PROM1: variants seen among roughly 807,000 people sequenced by gnomAD.
The protein encoded by PROM1 is prominin 1, also known as prominin-1.
A neutral mutation model predicts 116.9 loss-of-function variants in PROM1; 105 were observed. The observed-to-expected ratio is 0.90, with a 90% CI of 0.77 to 1.06. The LOEUF is 1.06. Ranked by LOEUF, PROM1 falls within the 50% of genes least tolerant of loss-of-function variation. PROM1 has a pLI of 0.00. For synonymous variants in PROM1, 393 were observed against 387.0 expected, an observed-to-expected ratio of 1.02 and a Z score of -0.18; for missense variants, 1,122 against 1,045.2, an observed-to-expected ratio of 1.07 and a Z score of -1.01.
chr4:15,975,558 A>T (rs1312521864), intron 26 of PROM1, among the ~76,000 whole-genome samples: 1 of 152,130 alleles, frequency 6.6e-6, no homozygotes, highest in Non-Finnish European at 1.5e-5. Context: ...AAGTGAGAAA[A>T]CTGAGTCTCA....
At chr4:16,068,210 C>T (rs888058625) in intron 2 of PROM1, among the ~76,000 whole-genome samples, 1 of 152,132 alleles carries the variant, frequency 6.6e-6, no homozygotes, top group African/African-American at 2.4e-5. Flanking sequence ...GTTACCTTGG[C>T]TATCTTAAAT....
intron 2 of PROM1, among the ~76,000 whole-genome samples, chr4:16,071,619 GA>G (rs1742844601): frequency 6.6e-6 from 1 of 152,120 alleles, no homozygotes; most frequent in South Asian, 2.1e-4. Flanking sequence ...CTCTCTCCAG[GA>G]GCCTGCACCC....
chr4:16,023,306 C>G lies in PROM1; in HGVS notation c.784+20G>C. The G allele has an allele frequency of 6.4e-7, 1 of 1,557,894 alleles. No homozygotes were observed. The highest frequency in any genetic ancestry group is 8.8e-7 in the Non-Finnish European group (1 of 1,138,380). ...ACTCCTGGATGGAACTTTCTTTGGT[C>G]ATTTTTGCCCACTGCTTACCTGTTG... On this transcript the variant is annotated intron_variant, in intron 8 of 27. Coordinates refer to ENST00000447510, the MANE Select transcript of PROM1 (RefSeq NM_006017.3).
Position 15,998,414 on chromosome 4 carries a change from T to C in PROM1, c.1653A>G (p.Lys551=). 1 of 1,606,368 alleles carries C rather than the reference T, an allele frequency of 6.2e-7. No individual in the cohort carries two copies. Among genetic ancestry groups the C allele is most frequent in the Non-Finnish European group, 8.5e-7 (1 of 1,177,828 alleles). The change falls in exon 15 of 28, where the codon AAA becomes AAG. Residue 551 remains lysine (K), a synonymous_variant. Transcript: ENST00000447510. ...YLSGKLFNKS[K]MKLTFEQVYS... The stretch of plus-strand genomic sequence containing the variant: ...AAACTTGTTCAAAAGTGAGCTTCAT[T>C]TTTGATTTATTAAATAGCTTCCCAG...
chr4:15,995,001 C>A (rs1302250752), intron 15 of PROM1, among the ~76,000 whole-genome samples: 1 of 152,200 alleles, frequency 6.6e-6, no homozygotes, highest in African/African-American at 2.4e-5. Flanking sequence ...TGGCTTTGTC[C>A]TCTCAGCCTA....
rs1744896078 is a variant in PROM1 at position 16,080,816 on chromosome 4, G to A, written c.-213+3162C>T. 3 of 152,214 alleles carry A rather than the reference G, an allele frequency of 2.0e-5. No individual in the cohort carries two copies. The South Asian group carries it at 6.2e-4, about 32-fold the overall frequency. The allele number at this position is 152,214 out of a possible 1,614,324, so 9.4% of individuals were successfully genotyped here. A position where few individuals can be genotyped will look rare whatever the true frequency, so the allele number is the denominator to read the frequency against. ...CAATCAGAAGCTTTCTTCTGGGCCTGGGCCTGCGCACTCTGAAGCAGGACA... is the reference window on the plus strand; with the variant it reads ...CAATCAGAAGCTTTCTTCTGGGCCTAGGCCTGCGCACTCTGAAGCAGGACA... On this transcript the variant is annotated intron_variant, in intron 1 of 27. Coordinates refer to ENST00000447510, the MANE Select transcript of PROM1 (RefSeq NM_006017.3).
At chr4:16,079,285 G>A (rs1467686991) in intron 1 of PROM1, 1 of 152,182 alleles carries the variant, frequency 6.6e-6, no homozygotes, top group Admixed American at 6.5e-5. Flanking sequence ...AGCAGGGGAA[G>A]GGAAATTCCC....
At chr4:15,980,014 T>C in intron 24 of PROM1, 110 bp from the exon 25 acceptor site, 3 of 694,512 alleles carry the variant, frequency 4.3e-6, no homozygotes, top group Non-Finnish European at 7.2e-6. Flanking sequence ...CAGTGCAAAC[T>C]CAGGAAAGAC....
At chr4:15,978,399 T>C (rs544096220) in intron 26 of PROM1, among the ~76,000 whole-genome samples, 2 of 152,360 alleles carry the variant, frequency 1.3e-5, no homozygotes, top group East Asian at 3.9e-4. Flanking sequence ...TCTTGAAATC[T>C]GACCAAGGTG....
chr4:16,075,576 G>T, intron 2 of PROM1, 111 bp downstream of exon 2: 1 of 1,087,074 alleles, frequency 9.2e-7, no homozygotes. Context: ...TCTGTGCAAA[G>T]CAATCGCTAA....
rs768744555 is a variant in PROM1 at position 16,023,359 on chromosome 4, G to C, written c.751C>G (p.Pro251Ala). ...ILDRLRPNIIPVLDEIKSMAT... is the reference protein window; with the variant it reads ...ILDRLRPNIIAVLDEIKSMAT... ...ATGGACTTAATCTCATCAAGAACAGGGATGATGTTGGGTCTCAGTCGGTCA... is the reference window on the plus strand; with the variant it reads ...ATGGACTTAATCTCATCAAGAACAGCGATGATGTTGGGTCTCAGTCGGTCA... Residue 251 changes from proline (P) to alanine (A), a missense_variant, in exon 8 of 28, where the codon CCT (proline) becomes GCT (alanine). Coordinates refer to ENST00000447510, the MANE Select transcript of PROM1 (RefSeq NM_006017.3). 2.5e-6 allele frequency: 4 copies of C among 1,607,540 alleles called. No homozygotes were observed. Among genetic ancestry groups the C allele is most frequent in the East Asian group, 4.5e-5 (2 of 44,720 alleles).
intron 26 of PROM1, among the ~76,000 whole-genome samples, chr4:15,973,738 C>T (rs553225030): frequency 1.3e-5 from 2 of 152,212 alleles, no homozygotes; most frequent in East Asian, 3.9e-4. Flanking sequence ...GTGGTCTTTC[C>T]ACCCGTTTTG....
At chr4:16,026,403 C>T (rs1731290389) in intron 5 of PROM1, among the ~76,000 whole-genome samples, 2 of 152,152 alleles carry the variant, frequency 1.3e-5, no homozygotes, top group South Asian at 2.1e-4. Context: ...CTATTTTTAC[C>T]TGCAGAAGCA....
intron 24 of PROM1, chr4:15,980,160 G>C (rs900059768): frequency 5.0e-6 from 3 of 597,832 alleles, no homozygotes; most frequent in Non-Finnish European, 8.8e-6. Flanking sequence ...CCCCGAGAGA[G>C]AGGAACTGCA....
In PROM1 at chr4:16,075,943, G is replaced by C. The variant is rs776360269; in HGVS notation, c.-37C>G. On this transcript the variant is annotated 5_prime_UTR_variant, in exon 2 of 28. Transcript: ENST00000447510. Reference sequence around the variant, plus strand: ...TCCTCCAAACATGAGGTAGAACTTGGTGCCTCCTGCCTCAGAGCTTCTGGA... The same window carrying C: ...TCCTCCAAACATGAGGTAGAACTTGCTGCCTCCTGCCTCAGAGCTTCTGGA... The C allele has an allele frequency of 1.3e-6, 2 of 1,555,022 alleles. No individual in the cohort carries two copies. The highest frequency in any genetic ancestry group is 2.4e-5 in the South Asian group (2 of 82,760).
intron 2 of PROM1, among the ~76,000 whole-genome samples, chr4:16,046,867 G>A (rs1163755506): frequency 2.0e-5 from 3 of 152,064 alleles, no homozygotes; most frequent in East Asian, 1.9e-4. Flanking sequence ...TTGATTCTTC[G>A]GTGACTAGAA....
Position 16,010,092 on chromosome 4 carries a change from C to A in PROM1, c.1142-984G>T, listed in dbSNP as rs190467547. ...ACAAATTGAGACATCTTAGGAAGTA[C>A]ATCTGTGTCTTTTCTATGCAAAAAC... On this transcript the variant is annotated intron_variant, in intron 11 of 27. Coordinates refer to ENST00000447510, the MANE Select transcript of PROM1 (RefSeq NM_006017.3). Among the ~76,000 whole-genome samples the A allele has an allele frequency of 2.2e-3, 330 of 152,184 alleles. 3 individuals are homozygous for A. Among genetic ancestry groups the A allele is most frequent in the Non-Finnish European group, 3.0e-3 (205 of 68,004 alleles).
intron 7 of PROM1, 31 bp from the exon 8 acceptor site, chr4:16,023,446 G>C: frequency 1.3e-6 from 2 of 1,510,838 alleles, no homozygotes; most frequent in East Asian, 2.4e-5. Flanking sequence ...AGATGGTGAG[G>C]GTGGCCTCTG....
At chr4:16,058,107 C>T (rs1739464653) in intron 2 of PROM1, among the ~76,000 whole-genome samples, 1 of 152,134 alleles carries the variant, frequency 6.6e-6, no homozygotes, top group African/African-American at 2.4e-5. Context: ...TCAACAAATG[C>T]CTCAACAACT....
Sources: allele counts gnomAD v4.1 joint callset (sites outside exome capture counted in the v4.1 genomes callset), GRCh38; gene constraint gnomAD v4.1.1; transcripts MANE v1.5; gene names NCBI Gene and HGNC (gene_info 2026-07-23, HGNC 2026-07-21).